TENM3: variants seen among roughly 807,000 people sequenced by gnomAD.
TENM3 encodes the protein teneurin-3.
TENM3 carries 63 observed loss-of-function variants against 255.1 expected under a neutral mutation model. The observed-to-expected ratio is 0.25, with a 90% CI of 0.20 to 0.30. The LOEUF (loss-of-function observed/expected upper bound fraction) is 0.30, where lower values mean the gene tolerates loss of function less well. TENM3 is among the 10% of genes least tolerant of loss of function. The probability of loss-of-function intolerance (pLI) is 1.00; values close to 1 mark genes in which losing one functional copy is unlikely to be tolerated. For synonymous variants in TENM3, 1,306 were observed against 1,322.3 expected (o/e 0.99, Z 0.27); for missense variants, 2,929 against 3,461.1 (o/e 0.85, Z 3.86).
the TENM3 span, among the ~76,000 whole-genome samples, chr4:181,910,394 G>C: frequency 6.6e-6 from 1 of 151,600 alleles, no homozygotes; most frequent in Non-Finnish European, 1.5e-5. Flanking sequence ...GTGAAACCCC[G>C]CCTCTACTAA....
At chr4:181,521,955 G>A in the TENM3 span, among the ~76,000 whole-genome samples, 1 of 151,946 alleles carries the variant, frequency 6.6e-6, no homozygotes, top group African/African-American at 2.4e-5. Flanking sequence ...TAAAAAATTA[G>A]CCAGGCACGG....
intron 1 of TENM3, among the ~76,000 whole-genome samples, chr4:182,190,990 A>G (rs1417246783): frequency 6.6e-6 from 1 of 152,222 alleles, no homozygotes; most frequent in Non-Finnish European, 1.5e-5. Flanking sequence ...CCTAAAATCC[A>G]GATATCCTGG....
chr4:181,565,562 G>A, the TENM3 span, among the ~76,000 whole-genome samples: 2 of 152,168 alleles, frequency 1.3e-5, no homozygotes, highest in African/African-American at 4.8e-5. Flanking sequence ...ATGCGGACGA[G>A]GGCACGCAGC....
intron 22 of TENM3, among the ~76,000 whole-genome samples, chr4:182,773,043 G>A (rs565377868): frequency 1.2e-4 from 19 of 152,248 alleles, no homozygotes; most frequent in Admixed American, 5.9e-4. Flanking sequence ...ATACATGCAC[G>A]TAAACATACT....
the TENM3 span, among the ~76,000 whole-genome samples, chr4:181,865,890 CA>C: frequency 6.6e-6 from 1 of 152,072 alleles, no homozygotes; most frequent in African/African-American, 2.4e-5. Flanking sequence ...TATCTATGAA[CA>C]GAGAAATTGG....
chr4:182,384,745 C>A (rs1192588188), intron 3 of TENM3, among the ~76,000 whole-genome samples: 1 of 152,106 alleles, frequency 6.6e-6, no homozygotes, highest in Non-Finnish European at 1.5e-5. Context: ...GCTCCCTCCT[C>A]TAATTACTCT....
intron 4 of TENM3, among the ~76,000 whole-genome samples, chr4:182,606,674 A>G (rs530222557): frequency 1.5e-4 from 23 of 152,300 alleles, no homozygotes; most frequent in African/African-American, 5.3e-4. Flanking sequence ...TCATTCTAGG[A>G]AAGTTTGAGA....
chr4:182,198,639 G>A (rs1040167664), intron 1 of TENM3, among the ~76,000 whole-genome samples: 5 of 152,234 alleles, frequency 3.3e-5, no homozygotes, highest in African/African-American at 1.2e-4. Context: ...AAAAGTCAGC[G>A]GCAATGGAAA....
At chr4:182,712,443 A>C (rs1008532422) in intron 12 of TENM3, among the ~76,000 whole-genome samples, 4 of 152,118 alleles carry the variant, frequency 2.6e-5, no homozygotes, top group African/African-American at 7.2e-5. Context: ...AAAAAAAAAA[A>C]AAAAAACACA....
the TENM3 span, among the ~76,000 whole-genome samples, chr4:181,903,501 G>T: frequency 6.6e-6 from 1 of 152,098 alleles, no homozygotes; most frequent in Admixed American, 6.5e-5. Flanking sequence ...GCTTCATTAG[G>T]CGATACTCAC....
At chr4:181,519,053 A>C in the TENM3 span, among the ~76,000 whole-genome samples, 1 of 152,220 alleles carries the variant, frequency 6.6e-6, no homozygotes, top group African/African-American at 2.4e-5. Flanking sequence ...ATATATGTTT[A>C]ACTTAGGGAA....
the TENM3 span, among the ~76,000 whole-genome samples, chr4:181,723,739 G>A: frequency 6.6e-6 from 1 of 151,818 alleles, no homozygotes; most frequent in Non-Finnish European, 1.5e-5. Flanking sequence ...TTTATCTAGT[G>A]GGCAGAGAAC....
the TENM3 span, among the ~76,000 whole-genome samples, chr4:181,610,502 T>C: frequency 1.3e-5 from 2 of 152,178 alleles, no homozygotes; most frequent in African/African-American, 4.8e-5. Context: ...TGTACCTCAG[T>C]TCACTGTCTT....
At chr4:181,612,027 C>T in the TENM3 span, among the ~76,000 whole-genome samples, 1 of 152,120 alleles carries the variant, frequency 6.6e-6, no homozygotes, top group Admixed American at 6.6e-5. Flanking sequence ...TAAGTGTGGC[C>T]TTTATGCCTC....
At chr4:181,673,472 T>C in the TENM3 span, among the ~76,000 whole-genome samples, 1 of 152,168 alleles carries the variant, frequency 6.6e-6, no homozygotes, top group African/African-American at 2.4e-5. Context: ...ATAATAGAAA[T>C]TTTAAGCAAT....
At chr4:181,492,668 A>G in the TENM3 span, among the ~76,000 whole-genome samples, 2 of 152,014 alleles carry the variant, frequency 1.3e-5, no homozygotes, top group African/African-American at 4.8e-5. Context: ...TGTTCTACAG[A>G]TTTTTTTTAT....
rs987086475 is a variant in TENM3, at chr4:182,247,913, A to G, written c.-76+4437A>G. On this transcript the variant is annotated intron_variant, in intron 1 of 27. Transcript: ENST00000511685. Reference sequence around the variant, plus strand: ...TCACCCTTTCCCTGCAAAGCTCCCCACGCAAACTCTTCTGTGTTTCCTAAG... The same window carrying G: ...TCACCCTTTCCCTGCAAAGCTCCCCGCGCAAACTCTTCTGTGTTTCCTAAG... Among the ~76,000 whole-genome samples the G allele has an allele frequency of 2.0e-5, 3 of 152,112 alleles. No individual in the cohort carries two copies. In the East Asian group the frequency reaches 5.8e-4, roughly 29 times the overall value.
chr4:181,665,945 C>T, the TENM3 span, among the ~76,000 whole-genome samples: 55 of 152,120 alleles, frequency 3.6e-4, no homozygotes, highest in Middle Eastern at 3.4e-3. Context: ...AAAAAACTTA[C>T]ACCTATATAT....
intron 3 of TENM3, among the ~76,000 whole-genome samples, chr4:182,432,865 T>TGTGTGTGTGTGTGTGTGTGTGTGTGTGTG (rs1554066043): frequency 8.4e-4 from 127 of 151,418 alleles, no homozygotes; most frequent in Middle Eastern, 3.4e-3. Context: ...TGTGTGTGTG[T>TGTGTGTGTGTGTGTGTGTGTGTGTGTGTG]TTTAGTAGAG....
Sources: gnomAD v4.1 joint callset for allele counts (sites outside exome capture counted in the v4.1 genomes callset) on GRCh38, gnomAD v4.1.1 for gene constraint, MANE v1.5 for transcripts, NCBI Gene and HGNC (gene_info 2026-07-23, HGNC 2026-07-21) for gene names.